The following NRG3 variants were observed in gnomAD, a reference collection of about 807,000 sequenced individuals.
NRG3 encodes pro-neuregulin-3, membrane-bound isoform.
Under a neutral mutation model 66.9 loss-of-function variants are expected in NRG3, and 31 were observed. The observed-to-expected ratio is 0.46, with a 90% confidence interval of 0.35 to 0.63. NRG3 has a LOEUF of 0.63. NRG3 is among the 20% of genes least tolerant of loss of function. The pLI is 0.00. For synonymous variants in NRG3, 393 were observed against 359.4 expected, an observed-to-expected ratio of 1.09 and a Z score of -1.06; for missense variants, 910 against 878.9, an observed-to-expected ratio of 1.04 and a Z score of -0.45.
chr10:82,001,904 G>T (rs767942210), intron 1 of NRG3, among the ~76,000 whole-genome samples: 2 of 152,150 alleles, frequency 1.3e-5, no homozygotes, highest in Non-Finnish European at 2.9e-5. Flanking sequence ...TTTAGAAACA[G>T]GTTAGGATCA....
chr10:82,508,236 T>A (rs1844857371), intron 2 of NRG3, among the ~76,000 whole-genome samples: 2 of 152,214 alleles, frequency 1.3e-5, no homozygotes, highest in Non-Finnish European at 2.9e-5. Context: ...TTTTCATACA[T>A]GCGTTTAGAA....
chr10:82,749,730 GGCC>G (rs992518444), intron 3 of NRG3, among the ~76,000 whole-genome samples: 5 of 151,198 alleles, frequency 3.3e-5, no homozygotes, highest in Non-Finnish European at 7.4e-5. Context: ...GTATTCCAAT[GGCC>G]TTTTTAACTA....
At chr10:82,205,619 T>G (rs1367623605) in intron 1 of NRG3, among the ~76,000 whole-genome samples, 1 of 152,048 alleles carries the variant, frequency 6.6e-6, no homozygotes, top group African/African-American at 2.4e-5. Flanking sequence ...GGAAAAGAGC[T>G]CTGGATATTC....
rs560454197 is a variant in NRG3, at chr10:82,866,249, TC to T, written c.1054+813del. Among the ~76,000 whole-genome samples, 19 of 149,404 alleles carry T rather than the reference TC, an allele frequency of 1.3e-4. No individual in the cohort carries two copies. The South Asian group carries it at 3.2e-3, about 25-fold the overall frequency. ...GGATTCTATTAAATTCAGATTTTTT[TC>T]TCTTGTATAATGTGGATATGAATAC... On this transcript the variant is annotated intron_variant, in intron 4 of 8. Coordinates refer to ENST00000372141, the MANE Select transcript of NRG3 (RefSeq NM_001010848.4).
intron 1 of NRG3, among the ~76,000 whole-genome samples, chr10:82,281,400 A>G (rs1462511950): frequency 6.6e-6 from 1 of 152,142 alleles, no homozygotes; most frequent in Non-Finnish European, 1.5e-5. Flanking sequence ...GAGAGGAGGT[A>G]TTACTCTTCA....
chr10:82,245,984 T>TTTG (rs1564705773), intron 1 of NRG3, among the ~76,000 whole-genome samples: 1 of 140,988 alleles, frequency 7.1e-6, no homozygotes. Context: ...TCTGGTTTTT[T>TTTG]TTTTTTTTTT....
chr10:82,527,584 T>A (rs975223984), intron 2 of NRG3, among the ~76,000 whole-genome samples: 2 of 152,158 alleles, frequency 1.3e-5, no homozygotes, highest in African/African-American at 4.8e-5. Context: ...TATTTTAGGG[T>A]TCATAGGTAT....
At chr10:82,002,778 G>GC (rs2061224941) in intron 1 of NRG3, among the ~76,000 whole-genome samples, 1 of 152,146 alleles carries the variant, frequency 6.6e-6, no homozygotes, top group Non-Finnish European at 1.5e-5. Flanking sequence ...CAAGAAAATA[G>GC]TTTCATGGCC....
intron 2 of NRG3, among the ~76,000 whole-genome samples, chr10:82,690,893 C>G (rs1023990121): frequency 6.6e-6 from 1 of 152,122 alleles, no homozygotes. Flanking sequence ...ATTAAAATCT[C>G]TCAACACTCA....
intron 2 of NRG3, among the ~76,000 whole-genome samples, chr10:82,375,648 A>C (rs796640886): frequency 6.6e-6 from 1 of 152,192 alleles, no homozygotes; most frequent in Non-Finnish European, 1.5e-5. Flanking sequence ...TGGACTTTTC[A>C]AAGGGACGAT....
chr10:82,203,039 T>A (rs2133517653), intron 1 of NRG3, among the ~76,000 whole-genome samples: 1 of 152,194 alleles, frequency 6.6e-6, no homozygotes, highest in South Asian at 2.1e-4. Context: ...ATGAAGAAGT[T>A]GGAGTAACTG....
chr10:82,324,638 ACTTT>A (rs1487697736), intron 1 of NRG3, among the ~76,000 whole-genome samples: 1 of 152,208 alleles, frequency 6.6e-6, no homozygotes, highest in Non-Finnish European at 1.5e-5. Flanking sequence ...AGTTTAATAT[ACTTT>A]CTAATTACTT....
intron 2 of NRG3, among the ~76,000 whole-genome samples, chr10:82,710,540 C>T (rs1044636383): frequency 9.9e-5 from 13 of 130,944 alleles, no homozygotes; most frequent in Non-Finnish European, 1.4e-4. Context: ...GAGCCGAGAT[C>T]GCACGACTGC....
At chr10:82,231,190 A>G (rs905083460) in intron 1 of NRG3, among the ~76,000 whole-genome samples, 11 of 152,168 alleles carry the variant, frequency 7.2e-5, no homozygotes, top group African/African-American at 2.6e-4. Context: ...TAAAAATACA[A>G]AAATTAGCCA....
At chr10:82,473,293 G>T (rs867815602) in intron 2 of NRG3, among the ~76,000 whole-genome samples, 6 of 152,308 alleles carry the variant, frequency 3.9e-5, no homozygotes, top group Middle Eastern at 3.4e-3. Context: ...GAAATTTAGA[G>T]GGTGACTAGA....
intron 4 of NRG3, among the ~76,000 whole-genome samples, chr10:82,911,239 A>AT (rs909248803): frequency 4.6e-5 from 7 of 151,646 alleles, no homozygotes; most frequent in Non-Finnish European, 8.8e-5. Context: ...GTTTATAAGC[A>AT]TTTTTTTTCA....
intron 2 of NRG3, among the ~76,000 whole-genome samples, chr10:82,618,643 C>A (rs1256193420): frequency 1.3e-5 from 2 of 151,910 alleles, no homozygotes; most frequent in African/African-American, 4.8e-5. Flanking sequence ...ATGGAATCCA[C>A]AATAGAAGAA....
chr10:82,191,702 C>T (rs1301025418), intron 1 of NRG3, among the ~76,000 whole-genome samples: 4 of 152,148 alleles, frequency 2.6e-5, no homozygotes, highest in African/African-American at 9.7e-5. Flanking sequence ...ACCATGTATT[C>T]CTTCTGTGTA....
Position 82,509,805 on chromosome 10 carries a change from A to G in NRG3, c.953+150937A>G, listed in dbSNP as rs529541205. On this transcript the variant is annotated intron_variant, in intron 2 of 8. Coordinates refer to ENST00000372141, the MANE Select transcript of NRG3 (RefSeq NM_001010848.4). ...AGAATAAAAGTGTTCAACCTGACCT[A>G]TAGGATCCATTATGGTCAACCTCCT... Among the ~76,000 whole-genome samples the G allele has an allele frequency of 1.5e-3, 233 of 152,288 alleles. 2 individuals are homozygous for G. The highest frequency in any genetic ancestry group is 5.3e-3 in the African/African-American group (221 of 41,554).
Sources: allele counts gnomAD v4.1 joint callset (sites outside exome capture counted in the v4.1 genomes callset), GRCh38; gene constraint gnomAD v4.1.1; transcripts MANE v1.5; gene names NCBI Gene and HGNC (gene_info 2026-07-23, HGNC 2026-07-21).